The following NCKAP1 variants were observed in gnomAD, a reference collection of about 807,000 sequenced individuals.
NCKAP1 encodes the protein NCK associated protein 1.
In NCKAP1, 21 loss-of-function variants were observed where a neutral mutation model predicts 151.2. The observed-to-expected ratio is 0.14, with a 90% CI of 0.10 to 0.20. The LOEUF (loss-of-function observed/expected upper bound fraction) is 0.20, where lower values mean the gene tolerates loss of function less well. Among genes scored for constraint, NCKAP1 ranks in the 10% least tolerant of loss-of-function variants. The probability of loss-of-function intolerance (pLI) is 1.00; values close to 1 mark genes in which losing one functional copy is unlikely to be tolerated. For missense variants in NCKAP1, 933 were observed against 1,352.1 expected, an observed-to-expected ratio of 0.69 and a Z score of 4.86; for synonymous variants, 484 against 451.8, an observed-to-expected ratio of 1.07 and a Z score of -0.90.
chr2:183,024,004 T>C lies in NCKAP1; in HGVS notation c.109-88A>G, dbSNP rs1698843079. 3 of 1,045,500 alleles carry C rather than the reference T, an allele frequency of 2.9e-6. No homozygotes were observed. The South Asian group carries it at 4.3e-5, about 15-fold the overall frequency. The allele number at this position is 1,045,500 out of a possible 1,614,324, so 64.8% of individuals were successfully genotyped here. Reference sequence around the variant, plus strand: ...AATCTGCAATTAGAAATTAAAGAGATATTTATTGTTTTTGGTGAGCAGGTG... The same window carrying C: ...AATCTGCAATTAGAAATTAAAGAGACATTTATTGTTTTTGGTGAGCAGGTG... On this transcript the variant is annotated intron_variant, in intron 1 of 30. Coordinates refer to ENST00000361354, the MANE Select transcript of NCKAP1 (RefSeq NM_013436.5).
At chr2:182,952,685 A>G (rs902446363) in intron 22 of NCKAP1, 108 bp downstream of exon 22, 1 of 1,256,398 alleles carries the variant, frequency 8.0e-7, no homozygotes, top group African/African-American at 1.5e-5. Context: ...AGTTACGCAT[A>G]TAATTGAATG....
chr2:182,981,357 A>G lies in NCKAP1; in HGVS notation c.1228T>C (p.Phe410Leu). ...TGTGCTCTAAGTTCTTCCATGTAAA[A>G]TATTAATTCAGCAATGTGCCTTTTT... ...FIDKHIAELI[F>L]YMEELRAHVR... Residue 410 changes from phenylalanine (F) to leucine (L), a missense_variant, in exon 13 of 31, where the codon TTT becomes CTT. Physicochemically the swap from Phe to Leu is conservative, Grantham distance 22. Coordinates refer to ENST00000361354, the MANE Select transcript of NCKAP1 (RefSeq NM_013436.5). 1.2e-6 allele frequency: 2 copies of G among 1,611,828 alleles called. No individual in the cohort carries two copies. The highest frequency in any genetic ancestry group is 1.7e-6 in the Non-Finnish European group (2 of 1,178,356).
chr2:183,000,448 T>C (rs915453449), intron 6 of NCKAP1, among the ~76,000 whole-genome samples: 1 of 151,876 alleles, frequency 6.6e-6, no homozygotes, highest in African/African-American at 2.4e-5. Context: ...AGACCATACA[T>C]GATTAGGGAA....
chr2:182,967,405 T>G, intron 15 of NCKAP1, 44 bp from the exon 16 acceptor site: 4 of 1,527,760 alleles, frequency 2.6e-6, no homozygotes, highest in Non-Finnish European at 2.7e-6. Context: ...TAAACATAAA[T>G]GACTTCGGAC....
At chr2:182,972,506 G>A (rs547755414) in intron 15 of NCKAP1, among the ~76,000 whole-genome samples, 1 of 152,266 alleles carries the variant, frequency 6.6e-6, no homozygotes, top group East Asian at 1.9e-4. Context: ...ATTGAAAACA[G>A]TAGTGTCTGA....
At chr2:182,959,563 A>C (rs1382281220) in intron 18 of NCKAP1, among the ~76,000 whole-genome samples, 1 of 152,184 alleles carries the variant, frequency 6.6e-6, no homozygotes, top group Non-Finnish European at 1.5e-5. Flanking sequence ...ACTCTCAATA[A>C]ATTAGGTATT....
At chr2:183,020,482 A>AAAAAAAAAAAG (rs1559109265) in intron 2 of NCKAP1, among the ~76,000 whole-genome samples, 1 of 125,078 alleles carries the variant, frequency 8.0e-6, no homozygotes, top group African/African-American at 3.4e-5. Context: ...AAAAAAAAAG[A>AAAAAAAAAAAG]AAAAAAAGAA....
chr2:182,987,208 C>T (rs1253373294), intron 9 of NCKAP1, among the ~76,000 whole-genome samples: 1 of 152,032 alleles, frequency 6.6e-6, no homozygotes. Context: ...CACCACTGCA[C>T]TTCAGCCTGG....
chr2:182,995,727 T>C lies in NCKAP1; in HGVS notation c.715A>G (p.Met239Val), dbSNP rs1191239285. 3.1e-6 allele frequency: 5 copies of C among 1,613,954 alleles called. No individual in the cohort carries two copies. The highest frequency in any genetic ancestry group is 2.7e-5 in the African/African-American group (2 of 74,924). ...GTGTCGGACTGTGCTGGATTAAGCA[T>C]TGTACTAGGTGCACTGATGAGGCTC... ...LLSLISAPST[M>V]LNPAQSDTMP... is the part of the protein sequence containing the mutation. Residue 239 changes from methionine (M) to valine (V), a missense_variant, in exon 7 of 31, where the codon ATG becomes GTG. By Grantham distance (21) the Met-to-Val change is conservative (BLOSUM62 1). Around this residue, in one of 2 missense-constraint regions of NCKAP1, gnomAD observed 607 missense variants for 795.0 expected, o/e 0.76. Coordinates refer to ENST00000361354, the MANE Select transcript of NCKAP1 (RefSeq NM_013436.5).
chr2:182,952,974 G>GTA, intron 21 of NCKAP1, 51 bp from the exon 22 acceptor site: 1 of 1,559,834 alleles, frequency 6.4e-7, no homozygotes, highest in Non-Finnish European at 8.7e-7. Context: ...AATTCAGAAT[G>GTA]TATCATGATA....
chr2:182,942,162 T>G lies in NCKAP1; in HGVS notation c.2603A>C (p.Lys868Thr). 1 of 1,609,136 alleles carries G rather than the reference T, an allele frequency of 6.2e-7. No homozygotes were observed. Among genetic ancestry groups the G allele is most frequent in the Non-Finnish European group, 8.5e-7 (1 of 1,177,468 alleles). ...CACATCAACATTCTCCACCACAAGT[T>G]TCTAAAAAAAAAAGAAAGATCCTAG... ...HISSQVAELK[K>T]LVVENVDVLT... Residue 868 changes from lysine (K) to threonine (T), a missense_variant and splice_region_variant, in exon 24 of 31, where the codon AAA becomes ACA. Transcript: ENST00000361354.
At chr2:183,033,921 G>A (rs865844169) in intron 1 of NCKAP1, among the ~76,000 whole-genome samples, 2 of 152,050 alleles carry the variant, frequency 1.3e-5, no homozygotes, top group Non-Finnish European at 1.5e-5. Flanking sequence ...TATTCCTCTG[G>A]TAATCATTAA....
intron 2 of NCKAP1, among the ~76,000 whole-genome samples, chr2:183,006,519 A>G (rs1260230032): frequency 2.0e-5 from 3 of 152,188 alleles, no homozygotes; most frequent in Non-Finnish European, 4.4e-5. Flanking sequence ...TCTCTCACAC[A>G]ATCCTCTCAA....
intron 8 of NCKAP1, among the ~76,000 whole-genome samples, chr2:182,993,444 CCT>C (rs1698207053): frequency 6.6e-6 from 1 of 152,102 alleles, no homozygotes; most frequent in Admixed American, 6.5e-5. Flanking sequence ...AAATTATTCC[CCT>C]GTGGCAGTGA....
Position 182,967,253 on chromosome 2 carries a change from C to T in NCKAP1, c.1591G>A (p.Glu531Lys). The change falls in exon 16 of 31, where the codon GAA (glutamate) becomes AAA (lysine). Residue 531 changes from glutamate to lysine, a missense_variant. Physicochemically the swap from Glu to Lys is moderately conservative, Grantham distance 56. Around this residue, in one of 2 missense-constraint regions of NCKAP1, gnomAD observed 607 missense variants for 795.0 expected, o/e 0.76. Coordinates refer to ENST00000361354, the MANE Select transcript of NCKAP1 (RefSeq NM_013436.5). ...AGATCTGATGTTTCCACCAACATTT[C>T]CACCAAGGAATCTACCATTTTTGTA... Reference protein sequence around the residue: ...FHTKMVDSLVEMLVETSDLSI... With the variant: ...FHTKMVDSLVKMLVETSDLSI... 6.2e-7 allele frequency: 1 copy of T among 1,611,026 alleles called. No homozygotes were observed. Among genetic ancestry groups the T allele is most frequent in the Admixed American group, 1.7e-5 (1 of 59,470 alleles).
chr2:182,914,180 T>A lies in NCKAP1; in HGVS notation c.*11522A>T, dbSNP rs1285083902. On this transcript the variant is annotated 3_prime_UTR_variant, in exon 31 of 31. Transcript: ENST00000361354. ...ATCGTAGACAAGACTAGTTAAACTG[T>A]GTTTTTAGTTAGCTTTGTTTTGTAT... is the stretch of plus-strand genomic sequence containing the variant. 1.3e-5 allele frequency: 2 copies of A among 152,234 alleles called. No homozygotes were observed. The highest frequency in any genetic ancestry group is 2.9e-5 in the Non-Finnish European group (2 of 68,044). The allele number at this position is 152,234 out of a possible 1,614,324, so 9.4% of individuals were successfully genotyped here. A position where few individuals can be genotyped will look rare whatever the true frequency, so the allele number is the denominator to read the frequency against.
intron 6 of NCKAP1, among the ~76,000 whole-genome samples, chr2:182,996,736 G>A (rs1412206473): frequency 6.6e-6 from 1 of 152,148 alleles, no homozygotes; most frequent in Non-Finnish European, 1.5e-5. Context: ...GATTACAGGC[G>A]TGAGCCACCA....
chr2:182,999,726 C>CATGG (rs1698342237), intron 6 of NCKAP1, among the ~76,000 whole-genome samples: 1 of 151,954 alleles, frequency 6.6e-6, no homozygotes, highest in African/African-American at 2.4e-5. Flanking sequence ...GCTCTATTCA[C>CATGG]AATAGCAAAG....
chr2:182,959,329 A>G (rs1697392069), intron 18 of NCKAP1, among the ~76,000 whole-genome samples: 1 of 152,180 alleles, frequency 6.6e-6, no homozygotes, highest in Non-Finnish European at 1.5e-5. Context: ...AGCTACTAGA[A>G]AGGCTGGTAC....
Sources: allele counts gnomAD v4.1 joint callset (sites outside exome capture counted in the v4.1 genomes callset), GRCh38; gene constraint gnomAD v4.1.1; regional missense constraint gnomAD v4.1.1; transcripts MANE v1.5; gene names NCBI Gene and HGNC (gene_info 2026-07-23, HGNC 2026-07-21).